Variants in MYLK4 observed in about 807,000 individuals in gnomAD.
The protein encoded by MYLK4 is myosin light chain kinase family member 4, also known as caMLCK like.
Under a neutral mutation model 48.1 loss-of-function variants are expected in MYLK4, and 46 were observed. The ratio of observed to expected loss-of-function variants is 0.96; its 90% CI spans 0.75 to 1.22. The LOEUF (loss-of-function observed/expected upper bound fraction) is 1.22. Ranked by LOEUF, MYLK4 falls within the 50% of genes most tolerant of loss-of-function variation. The pLI is 0.00. For synonymous variants in MYLK4, 170 were observed against 180.8 expected (o/e 0.94, Z 0.48); for missense variants, 451 against 486.1 (o/e 0.93, Z 0.68).
chr6:2,680,157 C>T, intron 8 of MYLK4, 64 bp downstream of exon 8: 1 of 1,566,238 alleles, frequency 6.4e-7, no homozygotes, highest in Non-Finnish European at 8.7e-7. Context: ...TATATGTTTG[C>T]AAAGGAAGGG....
chr6:2,714,237 A>G (rs1762785451), intron 2 of MYLK4, among the ~76,000 whole-genome samples: 1 of 152,232 alleles, frequency 6.6e-6, no homozygotes, highest in African/African-American at 2.4e-5. Context: ...CATTAGCATA[A>G]CACATCTCAC....
At chr6:2,749,861 C>T (rs1764225545) in intron 1 of MYLK4, among the ~76,000 whole-genome samples, 1 of 152,280 alleles carries the variant, frequency 6.6e-6, no homozygotes, top group East Asian at 1.9e-4. Context: ...CTCTTCTCTA[C>T]CTATGCCTTA....
At chr6:2,710,800 T>C (rs543245032) in intron 2 of MYLK4, among the ~76,000 whole-genome samples, 1 of 152,324 alleles carries the variant, frequency 6.6e-6, no homozygotes, top group South Asian at 2.1e-4. Flanking sequence ...GCTTTCAGTG[T>C]TCTTTAAAGT....
At chr6:2,747,811 C>T (rs1262162128) in intron 2 of MYLK4, among the ~76,000 whole-genome samples, 2 of 152,072 alleles carry the variant, frequency 1.3e-5, no homozygotes, top group African/African-American at 4.8e-5. Context: ...TCTGTCCTAC[C>T]GAAATTAATA....
At chr6:2,720,185 ACGAGGT>A (rs1561863966) in intron 2 of MYLK4, among the ~76,000 whole-genome samples, 1 of 151,812 alleles carries the variant, frequency 6.6e-6, no homozygotes. Flanking sequence ...CGGGTAGATC[ACGAGGT>A]CAGGAGATCG....
chr6:2,709,298 AT>A (rs1762593721), intron 2 of MYLK4, among the ~76,000 whole-genome samples: 1 of 152,184 alleles, frequency 6.6e-6, no homozygotes, highest in Non-Finnish European at 1.5e-5. Context: ...AGAAAACATC[AT>A]TTTACATCAA....
At position 2,678,309 on chromosome 6, in the gene MYLK4, G is replaced by A. The variant is rs1341230391; in HGVS notation, c.951C>T (p.Ala317=). 4.3e-6 allele frequency: 7 copies of A among 1,613,922 alleles called. No individual in the cohort carries two copies. The highest frequency in any genetic ancestry group is 5.9e-6 in the Non-Finnish European group (7 of 1,180,006). Residue 317 remains alanine, a synonymous_variant, in exon 10 of 13, where the codon GCC becomes GCT. Coordinates refer to ENST00000274643, the MANE Select transcript of MYLK4 (RefSeq NM_001012418.5). ...NDAETLNNIL[A]CRWDLEDEEF... ...CTTCATCCTCTAAGTCCCACCTGCA[G>A]GCCAGGATGTTGTTCAGCGTCTCAG...
the MYLK4 span, among the ~76,000 whole-genome samples, chr6:2,757,672 C>T: frequency 6.6e-5 from 10 of 150,794 alleles, no homozygotes; most frequent in Admixed American, 2.6e-4. Flanking sequence ...GGGACAGATC[C>T]GGGCACAGTA....
the MYLK4 span, chr6:2,770,215 C>T: frequency 1.2e-6 from 2 of 1,614,088 alleles, no homozygotes; most frequent in African/African-American, 1.3e-5. Flanking sequence ...CTCTTCTGAG[C>T]CGCTGTCGAG....
rs777698905 is a variant in MYLK4 at position 2,683,076 on chromosome 6, A to G, written c.632T>C (p.Ile211Thr). The G allele has an allele frequency of 1.9e-6, 3 of 1,614,108 alleles. No individual in the cohort carries two copies. The highest frequency in any genetic ancestry group is 2.5e-6 in the Non-Finnish European group (3 of 1,180,008). The change falls in exon 7 of 13, where the codon ATA becomes ACA. Residue 211 changes from isoleucine to threonine, a missense_variant. Transcript: ENST00000274643. ...ELDTILFMKQ[I>T]CEGIRHMHQM... ...ATGCATGTGCCTTATCCCCTCACAT[A>G]TCTGCTTCATGAACAGGATGGTATC...
At chr6:2,745,117 C>T (rs6927194) in intron 2 of MYLK4, among the ~76,000 whole-genome samples, 6 of 151,974 alleles carry the variant, frequency 3.9e-5, no homozygotes, top group South Asian at 4.2e-4. Context: ...GGGTGGTACA[C>T]CGAGGAAAGC....
At chr6:2,767,410 T>C in the MYLK4 span, among the ~76,000 whole-genome samples, 26 of 152,374 alleles carry the variant, frequency 1.7e-4, no homozygotes, top group Middle Eastern at 3.4e-3. Context: ...AAGGCTTTTA[T>C]GATTTTTCTC....
chr6:2,765,097 T>G, the MYLK4 span, among the ~76,000 whole-genome samples: 1 of 150,256 alleles, frequency 6.7e-6, no homozygotes, highest in Non-Finnish European at 1.5e-5. Flanking sequence ...GGCTCCTCCC[T>G]GCCCTCGCGC....
At chr6:2,745,904 G>A (rs1220674962) in intron 2 of MYLK4, among the ~76,000 whole-genome samples, 7 of 23,948 alleles carry the variant, frequency 2.9e-4, no homozygotes, top group East Asian at 2.0e-3. Flanking sequence ...CAGCCTGGGC[G>A]ACAGAGTGAG....
intron 3 of MYLK4, among the ~76,000 whole-genome samples, chr6:2,690,623 GTCTATGGGTGTAGAGAA>G (rs1029842501): frequency 1.3e-5 from 2 of 152,148 alleles, no homozygotes; most frequent in African/African-American, 4.8e-5. Flanking sequence ...TCCCCATCAA[GTCTATGGGTGTAGAGAA>G]CCAGGGTCCC....
chr6:2,692,867 G>T lies in MYLK4; in HGVS notation c.160-8C>A. ...TGACCACACCTCCTTCGCCTGTGGA[G>T]GCACAATTGAGTAATTGAAGTTACA... is the stretch of plus-strand genomic sequence containing the variant. On this transcript the variant is annotated splice_region_variant and splice_polypyrimidine_tract_variant and intron_variant, in intron 2 of 12. Transcript: ENST00000274643. 1 of 1,611,374 alleles carries T rather than the reference G, an allele frequency of 6.2e-7. No individual in the cohort carries two copies. Among genetic ancestry groups the T allele is most frequent in the Non-Finnish European group, 8.5e-7 (1 of 1,178,514 alleles).
intron 2 of MYLK4, among the ~76,000 whole-genome samples, chr6:2,700,532 C>G (rs186360506): frequency 6.6e-6 from 1 of 152,170 alleles, no homozygotes; most frequent in African/African-American, 2.4e-5. Context: ...CTTCCTCCCC[C>G]CGATAAGCAA....
chr6:2,737,979 G>C (rs1763748375), intron 2 of MYLK4, among the ~76,000 whole-genome samples: 1 of 72,854 alleles, frequency 1.4e-5, no homozygotes, highest in Non-Finnish European at 3.1e-5. Context: ...GCCGGGGGCG[G>C]GTGGGGGGGG....
intron 12 of MYLK4, among the ~76,000 whole-genome samples, chr6:2,668,588 A>C (rs1760753740): frequency 6.6e-6 from 1 of 152,224 alleles, no homozygotes; most frequent in Non-Finnish European, 1.5e-5. Flanking sequence ...ATCTTCAGCC[A>C]CCAGATTTTT....
Sources: gnomAD v4.1 joint callset for allele counts (sites outside exome capture counted in the v4.1 genomes callset) on GRCh38, gnomAD v4.1.1 for gene constraint, MANE v1.5 for transcripts, NCBI Gene and HGNC (gene_info 2026-07-23, HGNC 2026-07-21) for gene names.